Variants in LARS2 observed in about 807,000 individuals in gnomAD.
The protein encoded by LARS2 is leucyl-tRNA synthetase 2, mitochondrial.
LARS2 carries 81 observed loss-of-function variants against 116.6 expected under a neutral mutation model. That is an observed-to-expected ratio of 0.69 (90% confidence interval 0.58 to 0.84). LARS2 has a LOEUF of 0.84. LARS2 is among the 40% of genes least tolerant of loss of function. The probability of loss-of-function intolerance (pLI) is 0.00; values close to 1 mark genes in which losing one functional copy is unlikely to be tolerated. For synonymous variants in LARS2, 396 were observed against 407.2 expected (o/e 0.97, Z 0.33); for missense variants, 968 against 1,114.5 (o/e 0.87, Z 1.87).
chr3:45,526,882 A>G (rs1482465), intron 20 of LARS2, among the ~76,000 whole-genome samples: 132,312 of 152,182 alleles, frequency 0.87, 60,433 homozygotes, highest in East Asian at 1. Flanking sequence ...AATGTCCAAA[A>G]TGGGACCTAT....
intron 6 of LARS2, 49 bp downstream of exon 6, chr3:45,419,778 G>C: frequency 1.4e-6 from 2 of 1,428,676 alleles, no homozygotes; most frequent in Non-Finnish European, 2.0e-6. Flanking sequence ...GGAAGGACTT[G>C]ATGGCAGGGA....
Position 45,457,617 on chromosome 3 carries a change from G to A in LARS2, c.607-1126G>A, listed in dbSNP as rs9854064. On this transcript the variant is annotated intron_variant, in intron 7 of 21. Coordinates refer to ENST00000645846, the MANE Select transcript of LARS2 (RefSeq NM_015340.4). ...CGCTTGAACCCAGGAGGCAGAGGTT[G>A]CAGTGAGCCAAGATTGCAACCATTG... is the stretch of plus-strand genomic sequence containing the variant. 2.9e-3 allele frequency among the ~76,000 whole-genome samples: 441 copies of A among 152,292 alleles called. 5 individuals are homozygous for A. The highest frequency in any genetic ancestry group is 1.0e-2 in the African/African-American group (415 of 41,550).
intron 8 of LARS2, among the ~76,000 whole-genome samples, chr3:45,465,236 A>G (rs1233720928): frequency 2.6e-5 from 4 of 152,008 alleles, no homozygotes; most frequent in Non-Finnish European, 4.4e-5. Context: ...TTCTTACATA[A>G]TATCTCCTGC....
chr3:45,447,156 T>C (rs1289840198), intron 7 of LARS2, among the ~76,000 whole-genome samples, 176 bp downstream of exon 7: 2 of 152,196 alleles, frequency 1.3e-5, no homozygotes, highest in African/African-American at 4.8e-5. Context: ...GGGCTTCTTT[T>C]ACCCTTGAAT....
intron 20 of LARS2, among the ~76,000 whole-genome samples, chr3:45,536,010 T>C (rs993608896): frequency 2.6e-5 from 4 of 152,232 alleles, no homozygotes; most frequent in Non-Finnish European, 4.4e-5. Flanking sequence ...ATTGCCTTTC[T>C]AAACTCATAA....
chr3:45,484,423 G>T (rs114456652), intron 10 of LARS2, among the ~76,000 whole-genome samples: 27 of 149,362 alleles, frequency 1.8e-4, no homozygotes, highest in African/African-American at 6.4e-4. Flanking sequence ...ATATATGCAC[G>T]TATGGCTTGT....
intron 8 of LARS2, among the ~76,000 whole-genome samples, chr3:45,468,047 C>T (rs1390549118): frequency 6.6e-6 from 1 of 151,620 alleles, no homozygotes; most frequent in Non-Finnish European, 1.5e-5. Context: ...TGCAGTGAGC[C>T]GAGATCACCC....
At chr3:45,539,725 A>G (rs961208614) in intron 20 of LARS2, among the ~76,000 whole-genome samples, 1 of 151,904 alleles carries the variant, frequency 6.6e-6, no homozygotes, top group African/African-American at 2.4e-5. Context: ...TTTTATTGCA[A>G]CTGATATTAT....
At chr3:45,400,438 T>C in intron 4 of LARS2, 65 bp downstream of exon 4, 1 of 1,514,382 alleles carries the variant, frequency 6.6e-7, no homozygotes, top group Non-Finnish European at 8.9e-7. Context: ...TGTAGTAATA[T>C]GTGTTCAAGA....
chr3:45,426,680 T>G (rs1698599167), intron 6 of LARS2, among the ~76,000 whole-genome samples: 1 of 152,222 alleles, frequency 6.6e-6, no homozygotes, highest in Non-Finnish European at 1.5e-5. Flanking sequence ...GTGCCCACTC[T>G]GTGCTTGCCG....
At chr3:45,447,272 C>A (rs1699037964) in intron 7 of LARS2, among the ~76,000 whole-genome samples, 1 of 152,144 alleles carries the variant, frequency 6.6e-6, no homozygotes, top group South Asian at 2.1e-4. Flanking sequence ...CCTCTCCCAG[C>A]TATGTGAACA....
At chr3:45,500,694 T>C in intron 15 of LARS2, 115 bp downstream of exon 15, 2 of 763,148 alleles carry the variant, frequency 2.6e-6, no homozygotes, top group Non-Finnish European at 4.0e-6. Flanking sequence ...AGTTTTCTAG[T>C]ATGCTTTAGA....
At chr3:45,545,593 G>T (rs1488248610) in intron 21 of LARS2, among the ~76,000 whole-genome samples, 2 of 152,294 alleles carry the variant, frequency 1.3e-5, no homozygotes, top group East Asian at 3.9e-4. Context: ...GGAGGCCTGG[G>T]GAGCCAGAAC....
intron 8 of LARS2, among the ~76,000 whole-genome samples, chr3:45,473,319 A>G (rs1034299560): frequency 1.3e-5 from 2 of 152,146 alleles, no homozygotes; most frequent in Non-Finnish European, 2.9e-5. Flanking sequence ...AATAGTTTGC[A>G]TAGATAGATG....
At position 45,417,973 on chromosome 3, in the gene LARS2, A is replaced by G. The variant is rs1698457765; in HGVS notation, c.455+400A>G. On this transcript the variant is annotated intron_variant, in intron 5 of 21. Coordinates refer to ENST00000645846, the MANE Select transcript of LARS2 (RefSeq NM_015340.4). ...ATAATTTTCTCTGAAAATTCAGTTT[A>G]TTTTTTGCCTTCACCATTCAGAAGC... Among the ~76,000 whole-genome samples the G allele has an allele frequency of 2.0e-5, 3 of 152,150 alleles. No individual in the cohort carries two copies. In the South Asian group the frequency reaches 6.2e-4, roughly 32 times the overall value.
At chr3:45,391,290 C>A (rs1484372846) in intron 1 of LARS2, among the ~76,000 whole-genome samples, 3 of 151,806 alleles carry the variant, frequency 2.0e-5, no homozygotes. Context: ...TAGAGACCAG[C>A]CTGGCCAACA....
At chr3:45,516,044 A>G (rs1350149049) in intron 16 of LARS2, 50 bp from the exon 17 acceptor site, 1 of 1,454,898 alleles carries the variant, frequency 6.9e-7, no homozygotes, top group South Asian at 1.2e-5. Context: ...TTTCTATAGA[A>G]GCAATTCACA....
chr3:45,425,389 C>T (rs957166247), intron 6 of LARS2, among the ~76,000 whole-genome samples: 3 of 152,174 alleles, frequency 2.0e-5, no homozygotes, highest in Non-Finnish European at 4.4e-5. Context: ...GAAACAAACT[C>T]AGAACGTGAC....
intron 14 of LARS2, among the ~76,000 whole-genome samples, chr3:45,497,621 T>A (rs1055262697): frequency 4.6e-5 from 7 of 152,114 alleles, no homozygotes; most frequent in African/African-American, 1.7e-4. Context: ...ATAAGGGGGA[T>A]CCTTGTCAGG....
Sources: allele counts gnomAD v4.1 joint callset (sites outside exome capture counted in the v4.1 genomes callset), GRCh38; gene constraint gnomAD v4.1.1; transcripts MANE v1.5; gene names NCBI Gene and HGNC (gene_info 2026-07-23, HGNC 2026-07-21).